XRCC2: variants seen among roughly 807,000 people sequenced by gnomAD.
XRCC2 encodes X-ray repair cross complementing 2, also known as DNA repair protein XRCC2.
In XRCC2, 24 loss-of-function variants were observed where a neutral mutation model predicts 27.3. The ratio of observed to expected loss-of-function variants is 0.88; its 90% CI spans 0.64 to 1.24. XRCC2 has a LOEUF of 1.24. Among genes scored for constraint, XRCC2 ranks in the 50% most tolerant of loss-of-function variants. The pLI, the probability that XRCC2 is intolerant of heterozygous loss-of-function variation, is 0.00. For synonymous variants in XRCC2, 106 were observed against 115.4 expected (o/e 0.92, Z 0.52); for missense variants, 321 against 325.8 (o/e 0.99, Z 0.11).
At chr7:152,663,940 C>G (rs2098034483) in intron 1 of XRCC2, 1 of 152,068 alleles carries the variant, frequency 6.6e-6, no homozygotes, top group Admixed American at 6.6e-5. Flanking sequence ...AGTGTTAGGC[C>G]AACCTGGAAG....
In XRCC2 at chr7:152,667,184, G is replaced by C. The variant is rs566902958; in HGVS notation, c.40-6402C>G. ...CACTTTGGGAGTGCCAAGGTGGGCA[G>C]ATCACCTGAGATTGGGAGTTCGAGA... On this transcript the variant is annotated intron_variant, in intron 1 of 2. Coordinates refer to ENST00000359321, the MANE Select transcript of XRCC2 (RefSeq NM_005431.2). 6.1e-4 allele frequency among the ~76,000 whole-genome samples: 92 copies of C among 151,582 alleles called. 1 individual carries two copies. In the Middle Eastern group the frequency reaches 0.01, roughly 17 times the overall value.
At chr7:152,651,761 G>T (rs1201852662) in intron 2 of XRCC2, among the ~76,000 whole-genome samples, 2 of 151,386 alleles carry the variant, frequency 1.3e-5, no homozygotes, top group South Asian at 4.2e-4. Context: ...TGGTCTGCCT[G>T]CCTCAGCCTC....
chr7:152,660,907 A>G, intron 1 of XRCC2, 125 bp from the exon 2 acceptor site: 4 of 778,784 alleles, frequency 5.1e-6, no homozygotes, highest in Non-Finnish European at 7.9e-6. Flanking sequence ...TGTGGCTCAC[A>G]CCTGTAATCC....
chr7:152,663,749 G>A (rs2117002793), intron 1 of XRCC2, among the ~76,000 whole-genome samples: 1 of 152,172 alleles, frequency 6.6e-6, no homozygotes, highest in South Asian at 2.1e-4. Context: ...TGACAGAAAA[G>A]AATCGCTTGA....
At chr7:152,675,662 C>T (rs927798892) in intron 1 of XRCC2, among the ~76,000 whole-genome samples, 1 of 152,216 alleles carries the variant, frequency 6.6e-6, no homozygotes, top group Non-Finnish European at 1.5e-5. Context: ...CTCCCCTTTT[C>T]TAGCTTTTCT....
At chr7:152,663,055 A>C (rs1477318745) in intron 1 of XRCC2, among the ~76,000 whole-genome samples, 1 of 152,188 alleles carries the variant, frequency 6.6e-6, no homozygotes, top group African/African-American at 2.4e-5. Context: ...GTGCAGTCTC[A>C]GTCCTCTAGA....
intron 2 of XRCC2, among the ~76,000 whole-genome samples, chr7:152,656,086 C>T (rs557586952): frequency 6.2e-4 from 95 of 152,246 alleles, no homozygotes; most frequent in African/African-American, 2.2e-3. Flanking sequence ...GGAGGGAGCG[C>T]GTCAGGACAA....
chr7:152,668,803 G>C (rs923783824), intron 1 of XRCC2, among the ~76,000 whole-genome samples: 2 of 152,202 alleles, frequency 1.3e-5, no homozygotes, highest in African/African-American at 4.8e-5. Context: ...CATCTGCTAA[G>C]TTCTATTATC....
At chr7:152,650,407 G>T (rs747973384) in intron 2 of XRCC2, among the ~76,000 whole-genome samples, 2 of 152,168 alleles carry the variant, frequency 1.3e-5, no homozygotes, top group East Asian at 3.9e-4. Flanking sequence ...ATCTAGGCTC[G>T]AATAACTAAG....
At chr7:152,675,875 G>A (rs1015275407) in intron 1 of XRCC2, among the ~76,000 whole-genome samples, 166 bp downstream of exon 1, 3 of 152,130 alleles carry the variant, frequency 2.0e-5, no homozygotes, top group Non-Finnish European at 2.9e-5. Flanking sequence ...CCAGGTGAGA[G>A]GTGGCAGAGG....
At position 152,648,023 on chromosome 7, in the gene XRCC2, CTT is replaced by C. The variant is rs1338758554; in HGVS notation, c.*617_*618del. On this transcript the variant is annotated 3_prime_UTR_variant, in exon 3 of 3. Transcript: ENST00000359321. ...ATACAAAGTTTAATTGCTAAAATCACTTTGATTCAACAGCCTAGAAACAGAAT... is the reference window on the plus strand; with the variant it reads ...ATACAAAGTTTAATTGCTAAAATCACTGATTCAACAGCCTAGAAACAGAAT... 1 of 152,150 alleles carries C rather than the reference CTT, an allele frequency of 6.6e-6. No homozygotes were observed. The highest frequency in any genetic ancestry group is 1.9e-4 in the East Asian group (1 of 5,202). The allele number at this position is 152,150 out of a possible 1,614,324, so 9.4% of individuals were successfully genotyped here.
intron 2 of XRCC2, among the ~76,000 whole-genome samples, chr7:152,649,891 C>T (rs1425784800): frequency 2.0e-5 from 3 of 152,172 alleles, no homozygotes; most frequent in South Asian, 2.1e-4. Context: ...TCTGCCCTGC[C>T]GCACCCTCCT....
At chr7:152,650,893 C>A (rs146309129) in intron 2 of XRCC2, among the ~76,000 whole-genome samples, 2,179 of 152,106 alleles carry the variant, frequency 0.014, 45 homozygotes, top group African/African-American at 0.048. Context: ...TCTCAAAAAA[C>A]AAAAACAAAA....
chr7:152,661,077 T>A (rs1435851726), intron 1 of XRCC2, among the ~76,000 whole-genome samples: 2 of 152,098 alleles, frequency 1.3e-5, no homozygotes, highest in East Asian at 3.8e-4. Context: ...GGTGGGAAGA[T>A]CACTTGAGTC....
rs770483696 is a variant in XRCC2 at position 152,644,791 on chromosome 7, C to G, written c.*3851G>C. 1.3e-5 allele frequency: 2 copies of G among 152,166 alleles called. No individual in the cohort carries two copies. The highest frequency in any genetic ancestry group is 2.9e-5 in the Non-Finnish European group (2 of 68,030). 9.4% of individuals were successfully genotyped at this position (152,166 alleles called of 1,614,324 possible). ...CATCATTCTATTTATAGCATTCTGT[C>G]TTTAGTAGTGGTATTTCCATTTACA... On this transcript the variant is annotated 3_prime_UTR_variant, in exon 3 of 3. Coordinates refer to ENST00000359321, the MANE Select transcript of XRCC2 (RefSeq NM_005431.2).
rs140038610 is a variant in XRCC2 at position 152,667,428 on chromosome 7, A to AG, written c.40-6647_40-6646insC. On this transcript the variant is annotated intron_variant, in intron 1 of 2. Coordinates refer to ENST00000359321, the MANE Select transcript of XRCC2 (RefSeq NM_005431.2). ...CTCAAAAAAAAAAAAAAAAAAAAAG[A>AG]AAAAAAGTATTATAATTTTATTGAC... is the stretch of plus-strand genomic sequence containing the variant. Among the ~76,000 whole-genome samples the AG allele has an allele frequency of 7.4e-3, 573 of 77,842 alleles. 23 individuals carry two copies. Among genetic ancestry groups the AG allele is most frequent in the African/African-American group, 0.015 (299 of 19,708 alleles). 51.1% of individuals were successfully genotyped at this position (77,842 alleles called of 152,430 possible).
At chr7:152,672,906 C>G (rs1194120110) in intron 1 of XRCC2, among the ~76,000 whole-genome samples, 1 of 152,166 alleles carries the variant, frequency 6.6e-6, no homozygotes. Flanking sequence ...TATTAGCATT[C>G]TTGAAAAAAT....
intron 2 of XRCC2, among the ~76,000 whole-genome samples, chr7:152,656,115 C>G (rs1590132471): frequency 6.6e-6 from 1 of 152,180 alleles, no homozygotes; most frequent in African/African-American, 2.4e-5. Context: ...GACAAGTAAC[C>G]TAGGTGATGG....
chr7:152,654,196 T>C (rs1449941129), intron 2 of XRCC2, among the ~76,000 whole-genome samples: 6 of 9,820 alleles, frequency 6.1e-4, no homozygotes, highest in Admixed American at 1.5e-3. Context: ...AAACTCCATC[T>C]CAAAAAAAAA....
Sources: allele counts gnomAD v4.1 joint callset (sites outside exome capture counted in the v4.1 genomes callset), GRCh38; gene constraint gnomAD v4.1.1; transcripts MANE v1.5; gene names NCBI Gene and HGNC (gene_info 2026-07-23, HGNC 2026-07-21).